The following SUFU variants were observed in gnomAD, a reference collection of about 807,000 sequenced individuals.
SUFU encodes SUFU negative regulator of hedgehog signaling.
Under a neutral mutation model 58.9 loss-of-function variants are expected in SUFU, and 7 were observed. That is an observed-to-expected ratio of 0.12 (90% CI 0.07 to 0.22). The LOEUF (loss-of-function observed/expected upper bound fraction) is 0.22, where lower values mean the gene tolerates loss of function less well. SUFU is among the 10% of genes least tolerant of loss of function. SUFU has a pLI of 1.00. For missense variants in SUFU, 451 were observed against 641.3 expected, an observed-to-expected ratio of 0.70 and a Z score of 3.20; for synonymous variants, 232 against 254.8, an observed-to-expected ratio of 0.91 and a Z score of 0.85.
Position 102,617,390 on chromosome 10 carries a change from G to A in SUFU, c.1258G>A (p.Glu420Lys). The change falls in exon 10 of 12, where the codon GAG (glutamate) becomes AAG (lysine). Residue 420 changes from glutamate (E) to lysine (K), a missense_variant. Glu to Lys is a moderately conservative substitution (Grantham distance 56, BLOSUM62 1). Transcript: ENST00000369902. The surrounding 1 kb of genome is among the most constrained non-coding windows in gnomAD (Gnocchi z 4.4). ...GGGAGTGGAAGGCGCCTTTGCCACTGAGGAGCATCCTTACGCGGCTCATGG... is the reference window on the plus strand; with the variant it reads ...GGGAGTGGAAGGCGCCTTTGCCACTAAGGAGCATCCTTACGCGGCTCATGG... Reference protein sequence around the residue: ...STGVEGAFATEEHPYAAHGPW... With the variant: ...STGVEGAFATKEHPYAAHGPW... 1 of 1,614,230 alleles carries A rather than the reference G, an allele frequency of 6.2e-7. No homozygotes were observed. The highest frequency in any genetic ancestry group is 2.2e-5 in the East Asian group (1 of 44,878).
intron 6 of SUFU, among the ~76,000 whole-genome samples, chr10:102,594,343 A>C (rs930617222): frequency 6.6e-6 from 1 of 152,244 alleles, no homozygotes; most frequent in African/African-American, 2.4e-5. Context: ...GATTGCCAGC[A>C]ATAAAAGATA....
intron 1 of SUFU, among the ~76,000 whole-genome samples, chr10:102,508,269 C>T (rs138454638): frequency 3.5e-4 from 53 of 152,142 alleles, no homozygotes; most frequent in Admixed American, 1.8e-3. Context: ...CCACCGTGCC[C>T]GGCCAAAACA....
intron 3 of SUFU, among the ~76,000 whole-genome samples, chr10:102,561,005 G>A (rs1427684584): frequency 6.6e-6 from 1 of 151,938 alleles, no homozygotes; most frequent in South Asian, 2.1e-4. Context: ...CACCACACCC[G>A]GCTAATTTTG....
At chr10:102,604,551 C>T (rs927356746) in intron 8 of SUFU, among the ~76,000 whole-genome samples, 2 of 152,160 alleles carry the variant, frequency 1.3e-5, no homozygotes, top group African/African-American at 2.4e-5. Flanking sequence ...TTTTTATCGC[C>T]CATCCTTGAT....
chr10:102,580,276 A>G (rs1344376561), intron 3 of SUFU, among the ~76,000 whole-genome samples: 1 of 152,182 alleles, frequency 6.6e-6, no homozygotes, highest in African/African-American at 2.4e-5. Context: ...GGAGTATCCC[A>G]TCTTTTCCTC....
intron 2 of SUFU, among the ~76,000 whole-genome samples, chr10:102,510,757 A>T (rs11191309): frequency 6.6e-6 from 1 of 152,080 alleles, no homozygotes; most frequent in Non-Finnish European, 1.5e-5. Context: ...TGGGAGGCAG[A>T]GGTTGCAGTG....
At chr10:102,509,093 C>G in intron 1 of SUFU, 76 bp from the exon 2 acceptor site, 1 of 1,604,134 alleles carries the variant, frequency 6.2e-7, no homozygotes, top group Non-Finnish European at 8.5e-7. Flanking sequence ...TTTAGGTTTA[C>G]AAAGTAGAGC....
intron 3 of SUFU, among the ~76,000 whole-genome samples, chr10:102,589,806 G>A (rs934219250): frequency 6.6e-6 from 1 of 152,078 alleles, no homozygotes; most frequent in Admixed American, 6.6e-5. Context: ...ATACAGTGTT[G>A]AATAGAAGTG....
At chr10:102,530,280 C>T (rs2062661731) in intron 2 of SUFU, among the ~76,000 whole-genome samples, 1 of 152,010 alleles carries the variant, frequency 6.6e-6, no homozygotes, top group African/African-American at 2.4e-5. Flanking sequence ...CACCCAGAGA[C>T]CTCCAAAGGG....
intron 2 of SUFU, among the ~76,000 whole-genome samples, chr10:102,546,010 T>C (rs1039233864): frequency 6.6e-6 from 1 of 152,230 alleles, no homozygotes; most frequent in Non-Finnish European, 1.5e-5. Flanking sequence ...CATGAGATGC[T>C]GACTTTCAGC....
At chr10:102,527,638 ATTATCTC>A (rs1217708945) in intron 2 of SUFU, among the ~76,000 whole-genome samples, 1 of 151,984 alleles carries the variant, frequency 6.6e-6, no homozygotes, top group Non-Finnish European at 1.5e-5. Context: ...TCTCGGCTTG[ATTATCTC>A]TTTGGGTGGC....
At chr10:102,551,365 C>G (rs2062912994) in intron 3 of SUFU, among the ~76,000 whole-genome samples, 1 of 152,148 alleles carries the variant, frequency 6.6e-6, no homozygotes, top group Non-Finnish European at 1.5e-5. Context: ...AGGCCAGGCA[C>G]AGTGGCTCAC....
intron 3 of SUFU, among the ~76,000 whole-genome samples, chr10:102,559,969 C>T (rs1039300519): frequency 2.6e-5 from 4 of 152,190 alleles, no homozygotes. Flanking sequence ...TTGTGAGTGG[C>T]TCGATTTCTG....
chr10:102,543,500 T>G (rs538655608), intron 2 of SUFU, among the ~76,000 whole-genome samples: 2 of 152,342 alleles, frequency 1.3e-5, no homozygotes, highest in East Asian at 3.9e-4. Context: ...TTTATAGTTA[T>G]GTAACCTTCA....
chr10:102,626,491 G>A (rs2063787271), intron 10 of SUFU, among the ~76,000 whole-genome samples: 1 of 152,194 alleles, frequency 6.6e-6, no homozygotes, highest in Non-Finnish European at 1.5e-5. Flanking sequence ...ACCTAGAGAA[G>A]AGGAACCTCA....
intron 3 of SUFU, among the ~76,000 whole-genome samples, chr10:102,587,131 T>C (rs1245450524): frequency 2.6e-5 from 4 of 152,248 alleles, no homozygotes; most frequent in Non-Finnish European, 4.4e-5. Context: ...GTTTCCACCT[T>C]CTGGCAATTG....
chr10:102,538,067 T>A (rs1225226218), intron 2 of SUFU, among the ~76,000 whole-genome samples: 1 of 152,202 alleles, frequency 6.6e-6, no homozygotes, highest in African/African-American at 2.4e-5. Context: ...GAGTTTATTT[T>A]TATGCTATAG....
intron 3 of SUFU, among the ~76,000 whole-genome samples, chr10:102,559,929 A>G (rs1259446810): frequency 3.3e-5 from 5 of 152,176 alleles, no homozygotes; most frequent in Non-Finnish European, 2.9e-5. Context: ...TTTAATGGCA[A>G]CCTCATGACA....
At chr10:102,562,032 GTC>G (rs1564681931) in intron 3 of SUFU, among the ~76,000 whole-genome samples, 1 of 152,136 alleles carries the variant, frequency 6.6e-6, no homozygotes, top group Non-Finnish European at 1.5e-5. Flanking sequence ...CATGCTTCCT[GTC>G]TCTGAAGTTG....
Sources: allele counts gnomAD v4.1 joint callset (sites outside exome capture counted in the v4.1 genomes callset), GRCh38; gene constraint gnomAD v4.1.1; non-coding constraint Gnocchi (gnomAD v3.1); transcripts MANE v1.5; gene names NCBI Gene and HGNC (gene_info 2026-07-23, HGNC 2026-07-21).